Variants in BTBD10 observed in about 807,000 individuals in gnomAD.
BTBD10 encodes BTB domain containing 10, also known as BTB/POZ domain-containing protein 10.
A neutral mutation model predicts 53.2 loss-of-function variants in BTBD10; 21 were observed. The observed-to-expected ratio is 0.39, with a 90% confidence interval of 0.28 to 0.57. The LOEUF (loss-of-function observed/expected upper bound fraction) is 0.57, where lower values mean the gene tolerates loss of function less well. Among genes scored for constraint, BTBD10 ranks in the 20% least tolerant of loss-of-function variants. The pLI is 0.53. For synonymous variants in BTBD10, 149 were observed against 192.7 expected (o/e 0.77, Z 1.88); for missense variants, 360 against 594.7 (o/e 0.61, Z 4.10).
chr11:13,401,124 G>GAT (rs994973721), intron 8 of BTBD10, among the ~76,000 whole-genome samples: 19 of 148,974 alleles, frequency 1.3e-4, no homozygotes, highest in East Asian at 7.8e-4. Flanking sequence ...TTATATATCA[G>GAT]ATATATATAT....
intron 2 of BTBD10, among the ~76,000 whole-genome samples, chr11:13,427,709 T>C (rs527465187): frequency 2.7e-4 from 41 of 152,268 alleles, no homozygotes; most frequent in African/African-American, 8.9e-4. Flanking sequence ...TTTCTCAAGA[T>C]AGATCATATT....
intron 8 of BTBD10, among the ~76,000 whole-genome samples, chr11:13,400,725 A>C (rs1366103136): frequency 6.6e-6 from 1 of 152,300 alleles, no homozygotes; most frequent in East Asian, 1.9e-4. Flanking sequence ...CCGTGAGAAA[A>C]CGGACTAATA....
chr11:13,402,620 A>G (rs1333325039), intron 8 of BTBD10, among the ~76,000 whole-genome samples: 6 of 152,232 alleles, frequency 3.9e-5, no homozygotes, highest in Non-Finnish European at 8.8e-5. Context: ...AAAACATTAC[A>G]GAAAAATTAT....
intron 5 of BTBD10, among the ~76,000 whole-genome samples, chr11:13,416,759 T>C (rs960187990): frequency 1.3e-5 from 2 of 152,138 alleles, no homozygotes; most frequent in Non-Finnish European, 2.9e-5. Context: ...GGAGGATCGC[T>C]TGAGCCCTGG....
chr11:13,389,220 G>A (rs1378567196), intron 8 of BTBD10, 79 bp from the exon 9 acceptor site: 1 of 1,189,594 alleles, frequency 8.4e-7, no homozygotes, highest in Admixed American at 2.3e-5. Flanking sequence ...AAGCTTTTCT[G>A]CTATAGATCC....
intron 1 of BTBD10, among the ~76,000 whole-genome samples, chr11:13,462,024 T>C (rs1270581975): frequency 6.6e-6 from 1 of 151,662 alleles, no homozygotes; most frequent in African/African-American, 2.4e-5. Context: ...AAATGACAAC[T>C]GCAGTCCTGG....
intron 1 of BTBD10, among the ~76,000 whole-genome samples, chr11:13,454,296 AATACAT>A (rs1365136031): frequency 6.6e-6 from 1 of 152,220 alleles, no homozygotes; most frequent in East Asian, 1.9e-4. Context: ...GCTCTCAGGA[AATACAT>A]ATCAAGATAG....
intron 6 of BTBD10, among the ~76,000 whole-genome samples, chr11:13,408,724 T>G (rs1949878504): frequency 6.6e-6 from 1 of 152,214 alleles, no homozygotes; most frequent in Non-Finnish European, 1.5e-5. Context: ...GAGGAAATTC[T>G]GGTAATCTGA....
intron 8 of BTBD10, among the ~76,000 whole-genome samples, chr11:13,390,502 C>G (rs1010942838): frequency 5.3e-5 from 8 of 152,068 alleles, no homozygotes; most frequent in Non-Finnish European, 1.0e-4. Flanking sequence ...TGCCACCACA[C>G]CTGGCTAATT....
At chr11:13,414,571 A>G (rs11022809) in intron 5 of BTBD10, among the ~76,000 whole-genome samples, 22,971 of 151,780 alleles carry the variant, frequency 0.15, 1,981 homozygotes, top group Admixed American at 0.24. Flanking sequence ...GGAGAATGGC[A>G]TGAACCTGGG....
intron 8 of BTBD10, among the ~76,000 whole-genome samples, chr11:13,395,515 T>C (rs1381943788): frequency 6.6e-6 from 1 of 152,250 alleles, no homozygotes; most frequent in African/African-American, 2.4e-5. Flanking sequence ...TGGTGGTTTC[T>C]TTTGCTGTGC....
intron 1 of BTBD10, among the ~76,000 whole-genome samples, chr11:13,452,720 A>T (rs1292952860): frequency 1.3e-5 from 2 of 152,202 alleles, no homozygotes; most frequent in Non-Finnish European, 2.9e-5. Flanking sequence ...AAAAACCTGT[A>T]TAACTGTGTA....
intron 7 of BTBD10, 88 bp downstream of exon 7, chr11:13,405,571 G>C: frequency 7.0e-7 from 1 of 1,426,664 alleles, no homozygotes; most frequent in Non-Finnish European, 9.7e-7. Flanking sequence ...TTGACCCCCA[G>C]GCTGGTCTAT....
At chr11:13,457,734 C>T (rs1457833469) in intron 1 of BTBD10, among the ~76,000 whole-genome samples, 1 of 152,070 alleles carries the variant, frequency 6.6e-6, no homozygotes, top group Non-Finnish European at 1.5e-5. Context: ...ATTTGAACCA[C>T]ATAATGACTT....
chr11:13,441,656 A>G (rs1023362814), intron 2 of BTBD10, among the ~76,000 whole-genome samples: 25 of 152,088 alleles, frequency 1.6e-4, no homozygotes, highest in Admixed American at 1.3e-4. Flanking sequence ...AAAAGTGGGG[A>G]AAAAAATCAA....
intron 2 of BTBD10, among the ~76,000 whole-genome samples, chr11:13,438,144 C>A (rs940572126): frequency 6.6e-6 from 1 of 152,012 alleles, no homozygotes; most frequent in South Asian, 2.1e-4. Flanking sequence ...ATTATTCTTA[C>A]ATTAAATGTA....
intron 2 of BTBD10, among the ~76,000 whole-genome samples, chr11:13,442,529 T>A (rs1370291990): frequency 6.6e-6 from 1 of 152,120 alleles, no homozygotes; most frequent in Non-Finnish European, 1.5e-5. Context: ...TCAGATCCAG[T>A]CAAGGTAATC....
intron 2 of BTBD10, among the ~76,000 whole-genome samples, chr11:13,429,500 G>A (rs1950408480): frequency 6.6e-6 from 1 of 151,928 alleles, no homozygotes; most frequent in Non-Finnish European, 1.5e-5. Flanking sequence ...ACATATATAT[G>A]GACAACTCAT....
At chr11:13,422,990 A>C (rs1950271950) in intron 2 of BTBD10, among the ~76,000 whole-genome samples, 1 of 152,192 alleles carries the variant, frequency 6.6e-6, no homozygotes, top group Non-Finnish European at 1.5e-5. Flanking sequence ...AAAACTACTA[A>C]AGAGTTCCCA....
Sources: gnomAD v4.1 joint callset for allele counts (sites outside exome capture counted in the v4.1 genomes callset) on GRCh38, gnomAD v4.1.1 for gene constraint, MANE v1.5 for transcripts, NCBI Gene and HGNC (gene_info 2026-07-23, HGNC 2026-07-21) for gene names.